Variants in F13A1 observed in about 807,000 individuals in gnomAD.
F13A1 encodes the protein coagulation factor XIII A chain.
F13A1 carries 47 observed loss-of-function variants against 80.1 expected under a neutral mutation model. The ratio of observed to expected loss-of-function variants is 0.59; its 90% CI spans 0.46 to 0.75. The LOEUF is 0.75. Among genes scored for constraint, F13A1 ranks in the 30% least tolerant of loss-of-function variants. The probability of loss-of-function intolerance (pLI) is 0.00; values close to 1 mark genes in which losing one functional copy is unlikely to be tolerated. For synonymous variants in F13A1, 349 were observed against 344.9 expected, an observed-to-expected ratio of 1.01 and a Z score of -0.13; for missense variants, 817 against 930.4, an observed-to-expected ratio of 0.88 and a Z score of 1.59.
intron 8 of F13A1, among the ~76,000 whole-genome samples, chr6:6,200,157 G>C (rs1288420622): frequency 2.0e-5 from 3 of 152,150 alleles, no homozygotes; most frequent in Non-Finnish European, 2.9e-5. Flanking sequence ...TGATGCTCTG[G>C]ATTGGATGAA....
Position 6,188,899 on chromosome 6 carries a change from G to T in F13A1, c.1306-6758C>A, listed in dbSNP as rs1244363065. Among the ~76,000 whole-genome samples, 29 of 73,152 alleles carry T rather than the reference G, an allele frequency of 4.0e-4. 6 individuals are homozygous for T. In the South Asian group the frequency reaches 6.8e-3, roughly 17 times the overall value. The allele number at this position is 73,152 out of a possible 152,430, so 48.0% of individuals were successfully genotyped here. On this transcript the variant is annotated intron_variant, in intron 10 of 14. Transcript: ENST00000264870. ...CTCTAAGAACTTGCTTTATGAATCTGGGTGCTCCTGTATTGGGTGCATATA... is the reference window on the plus strand; with the variant it reads ...CTCTAAGAACTTGCTTTATGAATCTTGGTGCTCCTGTATTGGGTGCATATA...
At chr6:6,150,039 G>A (rs1039619553) in intron 14 of F13A1, among the ~76,000 whole-genome samples, 1 of 152,140 alleles carries the variant, frequency 6.6e-6, no homozygotes, top group Non-Finnish European at 1.5e-5. Flanking sequence ...TTCATCTTTT[G>A]TCTAAGACAC....
intron 8 of F13A1, among the ~76,000 whole-genome samples, chr6:6,208,182 A>G (rs1326312567): frequency 6.6e-6 from 1 of 152,212 alleles, no homozygotes; most frequent in Non-Finnish European, 1.5e-5. Context: ...GAGAATACGA[A>G]TGAAAAGATA....
At chr6:6,220,800 C>T (rs1197609966) in intron 8 of F13A1, among the ~76,000 whole-genome samples, 3 of 152,128 alleles carry the variant, frequency 2.0e-5, no homozygotes, top group Admixed American at 6.5e-5. Context: ...CACGTGCCCT[C>T]CAGCTTACTA....
chr6:6,150,819 A>G (rs927156720), intron 14 of F13A1, among the ~76,000 whole-genome samples: 1 of 152,216 alleles, frequency 6.6e-6, no homozygotes, highest in African/African-American at 2.4e-5. Context: ...TCACACTTTA[A>G]GAGGAGTAGT....
Position 6,298,877 on chromosome 6 carries a change from T to C in F13A1, c.319+6474A>G, listed in dbSNP as rs1259798. 1.5e-4 allele frequency among the ~76,000 whole-genome samples: 23 copies of C among 148,944 alleles called. 2 individuals are homozygous for C. The highest frequency in any genetic ancestry group is 3.9e-4 in the African/African-American group (15 of 38,518). ...TTTACATTTTGGCATGATTTTGCAG[T>C]GGCTGGTACTGGTTGTTCCTTTCCA... On this transcript the variant is annotated intron_variant, in intron 3 of 14. Transcript: ENST00000264870.
chr6:6,222,967 G>A (rs933051432), intron 7 of F13A1, among the ~76,000 whole-genome samples: 2 of 152,152 alleles, frequency 1.3e-5, no homozygotes, highest in South Asian at 2.1e-4. Flanking sequence ...CAGCTGCCAC[G>A]GGCCTCCCGT....
intron 8 of F13A1, among the ~76,000 whole-genome samples, chr6:6,221,342 T>C (rs138956876): frequency 5.3e-5 from 8 of 152,282 alleles, no homozygotes; most frequent in African/African-American, 1.9e-4. Context: ...CCACAGCTGG[T>C]TTTGGGGAAC....
intron 2 of F13A1, 155 bp from the exon 3 acceptor site, chr6:6,305,694 G>C (rs769168459): frequency 1.4e-6 from 1 of 692,550 alleles, no homozygotes; most frequent in Non-Finnish European, 2.5e-6. Flanking sequence ...ACACAGTCTC[G>C]AGAGTCAGCC....
intron 5 of F13A1, among the ~76,000 whole-genome samples, chr6:6,249,085 T>A (rs571251824): frequency 6.6e-6 from 1 of 152,314 alleles, no homozygotes; most frequent in South Asian, 2.1e-4. Flanking sequence ...CAGAATTTTC[T>A]TAAAAAGGAA....
intron 3 of F13A1, among the ~76,000 whole-genome samples, chr6:6,275,887 G>C (rs1393249140): frequency 6.6e-6 from 1 of 152,228 alleles, no homozygotes; most frequent in East Asian, 1.9e-4. Flanking sequence ...CCTCATTTAA[G>C]AGAAGACAGG....
rs767962299 is a variant in F13A1, at chr6:6,174,806, G to A, written c.1521C>T (p.Leu507=). ...TTGATTTCATGACACCTTCTGTGTTGAGGGGCTTTTTAGCTCCGTACATCA... is the reference window on the plus strand; with the variant it reads ...TTGATTTCATGACACCTTCTGTGTTAAGGGGCTTTTTAGCTCCGTACATCA... ...TALMYGAKKP[L]NTEGVMKSRS... is the part of the protein sequence containing the mutation. The change falls in exon 12 of 15, where the codon CTC becomes CTT. Residue 507 remains leucine (L), a synonymous_variant. Transcript: ENST00000264870. 4.8e-5 allele frequency: 77 copies of A among 1,614,054 alleles called. No individual in the cohort carries two copies. In the South Asian group the frequency reaches 8.3e-4, roughly 17 times the overall value.
At chr6:6,262,590 C>G (rs951170304) in intron 4 of F13A1, among the ~76,000 whole-genome samples, 4 of 152,056 alleles carry the variant, frequency 2.6e-5, no homozygotes, top group Admixed American at 2.6e-4. Flanking sequence ...CCGGCATGTC[C>G]CTGTAATAAG....
intron 4 of F13A1, among the ~76,000 whole-genome samples, chr6:6,261,208 C>T (rs997998069): frequency 1.5e-4 from 23 of 152,196 alleles, no homozygotes; most frequent in African/African-American, 4.3e-4. Flanking sequence ...ACCTCATGAT[C>T]TGCCTGCCTT....
At chr6:6,285,903 T>C (rs1758133321) in intron 3 of F13A1, among the ~76,000 whole-genome samples, 1 of 152,216 alleles carries the variant, frequency 6.6e-6, no homozygotes, top group South Asian at 2.1e-4. Context: ...TGGCGGAATT[T>C]AACCAGTATG....
Position 6,250,853 on chromosome 6 carries a change from T to C in F13A1, c.648A>G (p.Gly216=). ...VLNDIGVIFY[G]EVNDIKTRSW... ...TTCTGGTCTTGATGTCATTGACCTC[T>C]CCATAAAAAATTACCCCGATGTCAT... Residue 216 remains glycine (G), a synonymous_variant, in exon 5 of 15, where the codon GGA becomes GGG. Transcript: ENST00000264870. This position sits in a 1 kb window ranked among gnomAD's most constrained non-coding sequence, Gnocchi z 4.2. 1.9e-6 allele frequency: 3 copies of C among 1,613,732 alleles called. No individual in the cohort carries two copies. Among genetic ancestry groups the C allele is most frequent in the Non-Finnish European group, 2.5e-6 (3 of 1,179,772 alleles).
intron 13 of F13A1, among the ~76,000 whole-genome samples, chr6:6,156,907 T>C (rs13193648): frequency 0.2 from 30,707 of 152,118 alleles, 3,214 homozygotes; most frequent in Middle Eastern, 0.28. Flanking sequence ...ATGTTCCCAT[T>C]ACCCTAGAAA....
intron 3 of F13A1, among the ~76,000 whole-genome samples, chr6:6,268,681 G>A (rs1757877717): frequency 6.7e-6 from 1 of 149,524 alleles, no homozygotes; most frequent in Non-Finnish European, 1.5e-5. Flanking sequence ...GGCTGAGGGG[G>A]CACTCATTTT....
At chr6:6,305,088 A>G in intron 3 of F13A1, 1 of 516,412 alleles carries the variant, frequency 1.9e-6, no homozygotes, top group Admixed American at 3.2e-5. Context: ...TTGTTTGAGG[A>G]AGAATAATTT....
Sources: gnomAD v4.1 joint callset for allele counts (sites outside exome capture counted in the v4.1 genomes callset) on GRCh38, gnomAD v4.1.1 for gene constraint, Gnocchi (gnomAD v3.1) non-coding constraint, MANE v1.5 for transcripts, NCBI Gene and HGNC (gene_info 2026-07-23, HGNC 2026-07-21) for gene names.